The following SLC35D4 variants were observed in gnomAD, a reference collection of about 807,000 sequenced individuals.
SLC35D4 encodes the protein solute carrier family 35 member D4, also known as UDP-N-acetylglucosamine transporter SLC35D4.
the SLC35D4 span, among the ~76,000 whole-genome samples, chr18:23,397,680 T>C: frequency 3.2e-4 from 49 of 152,326 alleles, no homozygotes; most frequent in African/African-American, 1.1e-3. Flanking sequence ...CAATGACTAC[T>C]ACACCCTGGG....
chr18:23,258,238 T>C, the SLC35D4 span: 4 of 152,634 alleles, frequency 2.6e-5, no homozygotes, highest in Non-Finnish European at 4.4e-5. Flanking sequence ...ACTGTGGAGA[T>C]GGCTGGGGCG....
chr18:23,311,132 C>T, the SLC35D4 span, among the ~76,000 whole-genome samples: 4 of 149,542 alleles, frequency 2.7e-5, no homozygotes, highest in Admixed American at 1.3e-4. Context: ...GACAGGGTCT[C>T]GCTTTGTCGC....
the SLC35D4 span, among the ~76,000 whole-genome samples, chr18:23,273,973 C>G: frequency 6.6e-6 from 1 of 152,024 alleles, no homozygotes; most frequent in African/African-American, 2.4e-5. Context: ...CACTCTGTTA[C>G]CCAGGCCAGA....
At chr18:23,389,722 A>G in the SLC35D4 span, among the ~76,000 whole-genome samples, 1 of 152,162 alleles carries the variant, frequency 6.6e-6, no homozygotes, top group Non-Finnish European at 1.5e-5. Flanking sequence ...TATTTTTAGT[A>G]GAGATGAGGT....
chr18:23,406,358 AAGTCCAGGGCAAAGGGTTTCAT>A, the SLC35D4 span, among the ~76,000 whole-genome samples: 2 of 152,280 alleles, frequency 1.3e-5, no homozygotes, highest in East Asian at 3.9e-4. Context: ...AAGGATGTAC[AAGTCCAGGGCAAAGGGTTTCAT>A]ACAGTGGAAA....
At chr18:23,384,965 A>G in the SLC35D4 span, 4 of 1,606,510 alleles carry the variant, frequency 2.5e-6, no homozygotes, top group Admixed American at 6.7e-5. Context: ...AGGAAGTAAC[A>G]CTAGCATTTT....
the SLC35D4 span, among the ~76,000 whole-genome samples, chr18:23,368,055 A>T: frequency 6.6e-6 from 1 of 152,172 alleles, no homozygotes; most frequent in Non-Finnish European, 1.5e-5. Context: ...AAAAGTTATA[A>T]ATCAAGCCTC....
chr18:23,356,568 A>G, the SLC35D4 span: 36 of 1,611,862 alleles, frequency 2.2e-5, no homozygotes, highest in Middle Eastern at 6.6e-4. This position sits in a 1 kb window ranked among gnomAD's most constrained non-coding sequence, Gnocchi z 4.1. Context: ...CACAGAAAGC[A>G]TACAAATGAG....
chr18:23,385,534 G>A, the SLC35D4 span, among the ~76,000 whole-genome samples: 3 of 152,238 alleles, frequency 2.0e-5, no homozygotes, highest in Non-Finnish European at 4.4e-5. Context: ...AGGTGGCAAA[G>A]TGGCCCAGGC....
chr18:23,377,691 C>T, the SLC35D4 span: 16 of 1,559,232 alleles, frequency 1.0e-5, no homozygotes, highest in South Asian at 1.5e-4. Flanking sequence ...AGTAAAGAAA[C>T]ATACAATTAG....
the SLC35D4 span, among the ~76,000 whole-genome samples, chr18:23,252,558 T>G: frequency 6.6e-6 from 1 of 152,004 alleles, no homozygotes. Context: ...TGATTTGAAG[T>G]CTCCCAAAGC....
At chr18:23,364,173 A>G in the SLC35D4 span, among the ~76,000 whole-genome samples, 3 of 152,226 alleles carry the variant, frequency 2.0e-5, no homozygotes, top group African/African-American at 7.2e-5. Flanking sequence ...CTTTAAGCAC[A>G]GGGTAAGAGC....
chr18:23,373,614 C>A, the SLC35D4 span: 1 of 1,406,168 alleles, frequency 7.1e-7, no homozygotes, highest in Non-Finnish European at 1.0e-6. Flanking sequence ...GCCAAGTTAT[C>A]CTGCTTCTAA....
chr18:23,361,201 A>G, the SLC35D4 span, among the ~76,000 whole-genome samples: 10 of 152,246 alleles, frequency 6.6e-5, no homozygotes, highest in East Asian at 1.9e-3. Context: ...AATGTCAGAA[A>G]GTATGAACAG....
At chr18:23,369,422 C>G in the SLC35D4 span, among the ~76,000 whole-genome samples, 1 of 152,190 alleles carries the variant, frequency 6.6e-6, no homozygotes, top group Non-Finnish European at 1.5e-5. Flanking sequence ...TTTACATTCA[C>G]CAAAGCTGCT....
At chr18:23,382,050 T>C in the SLC35D4 span, among the ~76,000 whole-genome samples, 1 of 151,952 alleles carries the variant, frequency 6.6e-6, no homozygotes, top group Admixed American at 6.6e-5. Flanking sequence ...CCAGTCTGGC[T>C]AACATGGTGA....
the SLC35D4 span, among the ~76,000 whole-genome samples, chr18:23,376,260 A>T: frequency 2.0e-5 from 3 of 152,216 alleles, no homozygotes; most frequent in Non-Finnish European, 4.4e-5. Flanking sequence ...ATCTTAGTAC[A>T]CTGAAAACAG....
the SLC35D4 span, among the ~76,000 whole-genome samples, chr18:23,379,205 C>T: frequency 6.6e-6 from 1 of 151,214 alleles, no homozygotes; most frequent in South Asian, 2.1e-4. Flanking sequence ...CTCACTGCAA[C>T]CTCTGCCTCC....
chr18:23,281,596 A>G, the SLC35D4 span, among the ~76,000 whole-genome samples: 1 of 152,162 alleles, frequency 6.6e-6, no homozygotes, highest in Non-Finnish European at 1.5e-5. Flanking sequence ...CCAAATGCTG[A>G]GATTACAGGA....
Sources: allele counts gnomAD v4.1 joint callset (sites outside exome capture counted in the v4.1 genomes callset), GRCh38; gene constraint gnomAD v4.1.1; non-coding constraint Gnocchi (gnomAD v3.1); transcripts MANE v1.5; gene names NCBI Gene and HGNC (gene_info 2026-07-23, HGNC 2026-07-21).